DNAH9: variants seen among roughly 807,000 people sequenced by gnomAD.
The protein encoded by DNAH9 is dynein axonemal heavy chain 9.
DNAH9 carries 345 observed loss-of-function variants against 471.6 expected under a neutral mutation model. The ratio of observed to expected loss-of-function variants is 0.73; its 90% CI spans 0.67 to 0.80. The LOEUF (loss-of-function observed/expected upper bound fraction) is 0.80, where lower values mean the gene tolerates loss of function less well. Among genes scored for constraint, DNAH9 ranks in the 30% least tolerant of loss-of-function variants. The pLI, the probability that DNAH9 is intolerant of heterozygous loss-of-function variation, is 0.00. For synonymous variants in DNAH9, 2,093 were observed against 2,123.6 expected (o/e 0.99, Z 0.40); for missense variants, 5,407 against 5,609.2 (o/e 0.96, Z 1.15).
intron 48 of DNAH9, among the ~76,000 whole-genome samples, chr17:11,824,116 C>T (rs994206194): frequency 1.3e-5 from 2 of 152,120 alleles, no homozygotes; most frequent in South Asian, 4.1e-4. Context: ...AATACTGCCT[C>T]TTTGATGACC....
At chr17:11,689,511 T>C in intron 19 of DNAH9, 55 bp from the exon 20 acceptor site, 1 of 1,481,092 alleles carries the variant, frequency 6.8e-7, no homozygotes, top group Non-Finnish European at 9.1e-7. Context: ...TTAGAGATGC[T>C]AGGAGATGGG....
At chr17:11,603,676 CTA>C in intron 1 of DNAH9, among the ~76,000 whole-genome samples, 1 of 152,318 alleles carries the variant, frequency 6.6e-6, no homozygotes, top group African/African-American at 2.4e-5. Context: ...AGCTGTCACC[CTA>C]TGTTTATGAC....
In DNAH9 at chr17:11,762,770, G is replaced by GTTTGTTT. The variant is rs1193246497; in HGVS notation, c.6996-667_6996-666insGTTTTTT. The stretch of plus-strand genomic sequence containing the variant: ...CCTCTTTAGGTGCGTTTTTTTTTTT[G>GTTTGTTT]TTTTTTTTTTTTTTTTTTTTTTTTT... On this transcript the variant is annotated intron_variant, in intron 35 of 68. Transcript: ENST00000262442. Among the ~76,000 whole-genome samples the GTTTGTTT allele has an allele frequency of 8.5e-3, 770 of 90,672 alleles. 54 individuals carry two copies. The highest frequency in any genetic ancestry group is 0.021 in the Middle Eastern group (3 of 140). 59.5% of individuals were successfully genotyped at this position (90,672 alleles called of 152,430 possible). A position where few individuals can be genotyped will look rare whatever the true frequency, so the allele number is the denominator to read the frequency against.
intron 44 of DNAH9, among the ~76,000 whole-genome samples, chr17:11,809,308 G>A (rs925422043): frequency 6.6e-6 from 1 of 152,120 alleles, no homozygotes; most frequent in Non-Finnish European, 1.5e-5. Flanking sequence ...GCTCATGCCT[G>A]TAATCCCAGC....
In DNAH9 at chr17:11,611,677, T is replaced by C; in HGVS notation, c.801T>C (p.Asn267=). 1 of 1,614,040 alleles carries C rather than the reference T, an allele frequency of 6.2e-7. No homozygotes were observed. Among genetic ancestry groups the C allele is most frequent in the East Asian group, 2.2e-5 (1 of 44,882 alleles). The part of the protein sequence containing the change: ...SRYEDLKYIY[N]QLRTITVRGM... ...ATGAAGATCTGAAATACATCTATAA[T>C]CAACTGAGAACAATAACGGTGAGGG... The change falls in exon 4 of 69, where the codon AAT becomes AAC. Residue 267 remains asparagine, a synonymous_variant. Transcript: ENST00000262442.
At chr17:11,809,603 C>G (rs2150926724) in intron 44 of DNAH9, among the ~76,000 whole-genome samples, 2 of 152,086 alleles carry the variant, frequency 1.3e-5, no homozygotes, top group Middle Eastern at 6.8e-3. Context: ...CTACAAGACC[C>G]TGCTAGCATA....
intron 62 of DNAH9, among the ~76,000 whole-genome samples, chr17:11,929,631 C>G (rs1974439945): frequency 6.6e-6 from 1 of 152,234 alleles, no homozygotes; most frequent in South Asian, 2.1e-4. Flanking sequence ...ATTTAAGACA[C>G]TTCTGCCATT....
intron 17 of DNAH9, among the ~76,000 whole-genome samples, chr17:11,674,408 A>G (rs771278490): frequency 1.7e-4 from 26 of 152,192 alleles, no homozygotes; most frequent in African/African-American, 6.0e-4. Flanking sequence ...GTGTAATGGT[A>G]TCTCACTGTG....
chr17:11,598,968 GAGGAGCCTTAA>G, intron 1 of DNAH9, 53 bp downstream of exon 1: 1 of 1,297,534 alleles, frequency 7.7e-7, no homozygotes, highest in Admixed American at 3.0e-5. Context: ...GGGAGGGGAG[GAGGAGCCTTAA>G]GGGACGGAGG....
At chr17:11,662,058 G>A (rs1385612197) in intron 14 of DNAH9, among the ~76,000 whole-genome samples, 1 of 151,864 alleles carries the variant, frequency 6.6e-6, no homozygotes, top group Non-Finnish European at 1.5e-5. Context: ...TTTCATCTTT[G>A]TTTTTAAAGG....
chr17:11,809,498 C>T (rs1242087620), intron 44 of DNAH9, among the ~76,000 whole-genome samples: 1 of 152,010 alleles, frequency 6.6e-6, no homozygotes, highest in East Asian at 1.9e-4. Context: ...ACCCGAGAGG[C>T]GGAGCTTGCA....
At chr17:11,659,743 CT>C (rs1241187076) in intron 14 of DNAH9, among the ~76,000 whole-genome samples, 2 of 152,246 alleles carry the variant, frequency 1.3e-5, no homozygotes, top group Non-Finnish European at 2.9e-5. Context: ...CCACCTGCTT[CT>C]TTGTTTGATT....
chr17:11,909,821 A>G (rs1008047639), intron 61 of DNAH9, among the ~76,000 whole-genome samples: 1 of 152,210 alleles, frequency 6.6e-6, no homozygotes, highest in East Asian at 1.9e-4. Context: ...TAGGATATTC[A>G]TAAGGCTATG....
At chr17:11,741,293 A>G (rs1314088235) in intron 29 of DNAH9, among the ~76,000 whole-genome samples, 1 of 152,190 alleles carries the variant, frequency 6.6e-6, no homozygotes, top group African/African-American at 2.4e-5. Context: ...TTTTAGTGCC[A>G]GAGGAAAAAA....
chr17:11,843,138 A>C (rs1971087513), intron 49 of DNAH9, among the ~76,000 whole-genome samples: 1 of 152,236 alleles, frequency 6.6e-6, no homozygotes, highest in Non-Finnish European at 1.5e-5. Flanking sequence ...GTGCAATGAC[A>C]GCTCCCTTCA....
At chr17:11,667,641 T>G (rs4792162) in intron 15 of DNAH9, among the ~76,000 whole-genome samples, 147,623 of 152,334 alleles carry the variant, frequency 0.97, 71,601 homozygotes, top group Non-Finnish European at 0.99. Flanking sequence ...GTTCCAGTCT[T>G]ATGGGCAGGT....
chr17:11,871,761 G>A lies in DNAH9; in HGVS notation c.10217G>A (p.Trp3406Ter). The change falls in exon 52 of 69, where the codon TGG becomes TAG. Residue 3406 changes from tryptophan (W) to a stop codon, truncating the protein, a stop_gained. Coordinates refer to ENST00000262442, the MANE Select transcript of DNAH9 (RefSeq NM_001372.4). LOFTEE classifies it high-confidence loss of function. ...CGGCAGAGCCTCCTGGACAGAACTT[G>A]GAGGCCCTACCTGAGCCAGCTGAAA... ...KYRQSLLDRTWRPYLSQLKTP... is the reference protein window; with the variant it reads ...KYRQSLLDRT 4 of 1,614,144 alleles carry A rather than the reference G, an allele frequency of 2.5e-6. No homozygotes were observed. The highest frequency in any genetic ancestry group is 3.4e-6 in the Non-Finnish European group (4 of 1,180,006).
chr17:11,733,245 G>A (rs935383155), intron 28 of DNAH9, among the ~76,000 whole-genome samples: 1 of 152,134 alleles, frequency 6.6e-6, no homozygotes, highest in Non-Finnish European at 1.5e-5. Flanking sequence ...AGAATAGAAG[G>A]GCCAAGGTAG....
chr17:11,913,656 C>T (rs1293849535), intron 61 of DNAH9, among the ~76,000 whole-genome samples: 2 of 151,828 alleles, frequency 1.3e-5, no homozygotes, highest in African/African-American at 4.8e-5. Context: ...GTGGCAGGCA[C>T]CTGTAGTCCC....
Sources: gnomAD v4.1 joint callset for allele counts (sites outside exome capture counted in the v4.1 genomes callset) on GRCh38, gnomAD v4.1.1 for gene constraint, MANE v1.5 for transcripts, NCBI Gene and HGNC (gene_info 2026-07-23, HGNC 2026-07-21) for gene names.